Variants in PKD2 observed in about 807,000 individuals in gnomAD.
The protein encoded by PKD2 is polycystin 2, transient receptor potential cation channel.
A neutral mutation model predicts 105.9 loss-of-function variants in PKD2; 48 were observed. The observed-to-expected ratio is 0.45, with a 90% confidence interval of 0.36 to 0.58. The LOEUF (loss-of-function observed/expected upper bound fraction) is 0.58. Among genes scored for constraint, PKD2 ranks in the 20% least tolerant of loss-of-function variants. The pLI, the probability that PKD2 is intolerant of heterozygous loss-of-function variation, is 0.00. For missense variants in PKD2, 1,078 were observed against 1,255.3 expected, an observed-to-expected ratio of 0.86 and a Z score of 2.13; for synonymous variants, 464 against 481.1, an observed-to-expected ratio of 0.96 and a Z score of 0.46.
Position 88,007,727 on chromosome 4 carries a change from G to A in PKD2, c.-7G>A, listed in dbSNP as rs1560591650. The stretch of plus-strand genomic sequence containing the variant: ...GCGCACCCGCGCGCCGGACGCCAGT[G>A]ACCGCGATGGTGAACTCCAGTCGCG... On this transcript the variant is annotated 5_prime_UTR_variant, in exon 1 of 15. The change abolishes the stop of an existing upstream ORF in the 5' untranslated region. Transcript: ENST00000237596. 3 of 1,198,266 alleles carry A rather than the reference G, an allele frequency of 2.5e-6. No individual in the cohort carries two copies. Among genetic ancestry groups the A allele is most frequent in the South Asian group, 2.2e-5 (1 of 44,626 alleles). The allele number at this position is 1,198,266 out of a possible 1,614,324, so 74.2% of individuals were successfully genotyped here. A position where few individuals can be genotyped will look rare whatever the true frequency, so the allele number is the denominator to read the frequency against.
At chr4:88,010,055 A>G (rs1045984142) in intron 1 of PKD2, among the ~76,000 whole-genome samples, 3 of 152,064 alleles carry the variant, frequency 2.0e-5, no homozygotes, top group Non-Finnish European at 4.4e-5. Flanking sequence ...AAGTGTGTCA[A>G]TGGTCTGATT....
intron 2 of PKD2, among the ~76,000 whole-genome samples, chr4:88,025,176 G>A (rs1726910667): frequency 6.6e-6 from 1 of 151,874 alleles, no homozygotes; most frequent in Non-Finnish European, 1.5e-5. Context: ...AAGAATCCAT[G>A]GGCAGGCACA....
At position 88,038,356 on chromosome 4, in the gene PKD2, G is replaced by T; in HGVS notation, c.949G>T (p.Gly317Trp). The T allele has an allele frequency of 6.2e-7, 1 of 1,614,054 alleles. No individual in the cohort carries two copies. The highest frequency in any genetic ancestry group is 1.1e-5 in the South Asian group (1 of 91,068). Residue 317 changes from glycine (G) to tryptophan (W), a missense_variant, in exon 4 of 15, where the codon GGG becomes TGG. This residue lies in a region of PKD2 where 868 missense variants were observed against 1,067.3 expected (regional missense o/e 0.81). Coordinates refer to ENST00000237596, the MANE Select transcript of PKD2 (RefSeq NM_000297.4). Reference sequence around the variant, plus strand: ...CATCTTCTATGAGAACCTGCTGTTAGGGGTTCCACGAATACGGCAACTCCG... The same window carrying T: ...CATCTTCTATGAGAACCTGCTGTTATGGGTTCCACGAATACGGCAACTCCG... The part of the protein sequence containing the change: ...SFIFYENLLL[G>W]VPRIRQLRVR...
chr4:88,030,490 C>T (rs1016340200), intron 2 of PKD2, among the ~76,000 whole-genome samples: 8 of 152,200 alleles, frequency 5.3e-5, no homozygotes, highest in East Asian at 1.9e-4. Flanking sequence ...TTTACTTAAA[C>T]GATCTTTACT....
intron 2 of PKD2, among the ~76,000 whole-genome samples, chr4:88,024,614 AAATC>A (rs1169559881): frequency 6.6e-6 from 1 of 152,100 alleles, no homozygotes; most frequent in African/African-American, 2.4e-5. Context: ...ATTGAGTAAA[AAATC>A]TATATATAGT....
chr4:88,041,776 A>G (rs1012216602), intron 4 of PKD2, among the ~76,000 whole-genome samples: 2 of 152,226 alleles, frequency 1.3e-5, no homozygotes, highest in South Asian at 2.1e-4. Flanking sequence ...GGTCAGGGAA[A>G]GTTGAATACT....
chr4:88,015,765 A>G (rs988643701), intron 1 of PKD2, among the ~76,000 whole-genome samples: 1 of 152,208 alleles, frequency 6.6e-6, no homozygotes, highest in African/African-American at 2.4e-5. Flanking sequence ...AGTTGGGGAA[A>G]TGGCATTTTT....
intron 3 of PKD2, among the ~76,000 whole-genome samples, chr4:88,037,663 A>C (rs10017035): frequency 0.029 from 4,482 of 152,302 alleles, 217 homozygotes; most frequent in African/African-American, 0.1. Flanking sequence ...AGGATAGCAC[A>C]CTGAGAAATA....
intron 1 of PKD2, 94 bp downstream of exon 1, chr4:88,008,422 A>T (rs1001574566): frequency 1.1e-5 from 16 of 1,418,040 alleles, no homozygotes; most frequent in African/African-American, 8.9e-5. Context: ...CCCGGGCTCC[A>T]TCTCGCATCC....
At chr4:88,070,881 C>T (rs1011145651) in intron 13 of PKD2, among the ~76,000 whole-genome samples, 15 of 151,948 alleles carry the variant, frequency 9.9e-5, no homozygotes, top group African/African-American at 3.1e-4. Context: ...GTGATCCTTC[C>T]GCCTCGGCCT....
intron 10 of PKD2, among the ~76,000 whole-genome samples, chr4:88,062,556 C>T (rs1560624334): frequency 1.3e-5 from 2 of 152,190 alleles, no homozygotes; most frequent in Non-Finnish European, 2.9e-5. Context: ...GGAAGGGTTT[C>T]ATTGTTAAAT....
At chr4:88,060,441 C>CATATATATATATATATATAT (rs60801876) in intron 9 of PKD2, among the ~76,000 whole-genome samples, 242 of 147,452 alleles carry the variant, frequency 1.6e-3, no homozygotes, top group East Asian at 0.016. Flanking sequence ...CCACTATATC[C>CATATATATATATATATATAT]ATATATATAT....
At chr4:88,037,291 T>G (rs1213508749) in intron 3 of PKD2, among the ~76,000 whole-genome samples, 1 of 151,946 alleles carries the variant, frequency 6.6e-6, no homozygotes, top group Non-Finnish European at 1.5e-5. Flanking sequence ...TCTGCTGTTG[T>G]GAAGTTCAAC....
chr4:88,007,699 G>A lies in PKD2; in HGVS notation c.-35G>A. The stretch of plus-strand genomic sequence containing the variant: ...TGAGGCGCACAGCGCCGAGCGCGGC[G>A]CCGCGCACCCGCGCGCCGGACGCCA... On this transcript the variant is annotated 5_prime_UTR_variant, in exon 1 of 15. Coordinates refer to ENST00000237596, the MANE Select transcript of PKD2 (RefSeq NM_000297.4). 3.5e-6 allele frequency: 4 copies of A among 1,157,424 alleles called. No individual in the cohort carries two copies. Among genetic ancestry groups the A allele is most frequent in the African/African-American group, 1.7e-5 (1 of 60,580 alleles). 71.7% of individuals were successfully genotyped at this position (1,157,424 alleles called of 1,614,324 possible).
At chr4:88,030,671 G>A (rs762987753) in intron 2 of PKD2, among the ~76,000 whole-genome samples, 2 of 152,148 alleles carry the variant, frequency 1.3e-5, no homozygotes, top group Non-Finnish European at 2.9e-5. Context: ...GTGCCCACCC[G>A]AACCGGCCCC....
rs200440508 is a variant in PKD2, at chr4:88,054,981, A to G, written c.1717-1105A>G. Among the ~76,000 whole-genome samples, 6 of 152,132 alleles carry G rather than the reference A, an allele frequency of 3.9e-5. No individual in the cohort carries two copies. In the South Asian group the frequency reaches 1.0e-3, roughly 26 times the overall value. On this transcript the variant is annotated intron_variant, in intron 7 of 14. Coordinates refer to ENST00000237596, the MANE Select transcript of PKD2 (RefSeq NM_000297.4). Reference sequence around the variant, plus strand: ...ATGACTCTACTTCTAATATCTCATCATGTGCTCTTCCACTGAGGCTTCTAC... The same window carrying G: ...ATGACTCTACTTCTAATATCTCATCGTGTGCTCTTCCACTGAGGCTTCTAC...
In PKD2 at chr4:88,008,253, C is replaced by A; in HGVS notation, c.520C>A (p.Leu174Met). The change falls in exon 1 of 15, where the codon CTG (leucine) becomes ATG (methionine). Residue 174 changes from leucine (L) to methionine (M), a missense_variant. This residue lies in a region of PKD2 where 868 missense variants were observed against 1,067.3 expected (regional missense o/e 0.81). Coordinates refer to ENST00000237596, the MANE Select transcript of PKD2 (RefSeq NM_000297.4). ...CAGCCCAGTCGGCGGCGGGGACCCGCTGCATCGCCACCTCCCCCTGGAAGG... is the reference window on the plus strand; with the variant it reads ...CAGCCCAGTCGGCGGCGGGGACCCGATGCATCGCCACCTCCCCCTGGAAGG... ...CPSPVGGGDP[L>M]HRHLPLEGQP... The A allele has an allele frequency of 6.8e-7, 1 of 1,462,966 alleles. No individual in the cohort carries two copies. The allele number at this position is 1,462,966 out of a possible 1,614,324, so 90.6% of individuals were successfully genotyped here.
rs776854401 is a variant in PKD2 at position 88,056,040 on chromosome 4, C to T, written c.1717-46C>T. 3 of 1,155,916 alleles carry T rather than the reference C, an allele frequency of 2.6e-6. No individual in the cohort carries two copies. The South Asian group carries it at 3.7e-5, about 14-fold the overall frequency. The allele number at this position is 1,155,916 out of a possible 1,614,324, so 71.6% of individuals were successfully genotyped here. On this transcript the variant is annotated intron_variant, in intron 7 of 14. Coordinates refer to ENST00000237596, the MANE Select transcript of PKD2 (RefSeq NM_000297.4). ...AATGTTTTATTATATACAGTCACAC[C>T]ATTTTGTTTATCCATTCATCTATTG...
intron 12 of PKD2, among the ~76,000 whole-genome samples, chr4:88,067,057 G>A (rs962530605): frequency 5.3e-5 from 8 of 152,102 alleles, no homozygotes; most frequent in Admixed American, 2.6e-4. Flanking sequence ...GCTGTTGAAT[G>A]TATTATCTTT....
Sources: gnomAD v4.1 joint callset for allele counts (sites outside exome capture counted in the v4.1 genomes callset) on GRCh38, gnomAD v4.1.1 for gene constraint, gnomAD v4.1.1 regional missense constraint, MANE v1.5 for transcripts, NCBI Gene and HGNC (gene_info 2026-07-23, HGNC 2026-07-21) for gene names.